PPP6R3: variants seen among roughly 807,000 people sequenced by gnomAD.
PPP6R3 encodes the protein serine/threonine-protein phosphatase 6 regulatory subunit 3.
A neutral mutation model predicts 110.7 loss-of-function variants in PPP6R3; 38 were observed. That is an observed-to-expected ratio of 0.34 (90% CI 0.26 to 0.45). The LOEUF (loss-of-function observed/expected upper bound fraction) is 0.45, where lower values mean the gene tolerates loss of function less well. Ranked by LOEUF, PPP6R3 falls within the 20% of genes least tolerant of loss-of-function variation. The probability of loss-of-function intolerance (pLI) is 1.00; values close to 1 mark genes in which losing one functional copy is unlikely to be tolerated. For missense variants in PPP6R3, 870 were observed against 1,062.4 expected, an observed-to-expected ratio of 0.82 and a Z score of 2.52; for synonymous variants, 369 against 373.5, an observed-to-expected ratio of 0.99 and a Z score of 0.14.
Position 68,614,183 on chromosome 11 carries a change from T to G in PPP6R3, c.*1066T>G. The G allele has an allele frequency of 1.0e-6, 1 of 988,248 alleles. No homozygotes were observed. Among genetic ancestry groups the G allele is most frequent in the Non-Finnish European group, 1.2e-6 (1 of 831,698 alleles). 61.2% of individuals were successfully genotyped at this position (988,248 alleles called of 1,614,324 possible). ...ACCGAAGCATGCTAATTGTTTACTGTACCTTGTGAGGTTTTCACTCATAAA... is the reference window on the plus strand; with the variant it reads ...ACCGAAGCATGCTAATTGTTTACTGGACCTTGTGAGGTTTTCACTCATAAA... On this transcript the variant is annotated 3_prime_UTR_variant, in exon 24 of 24. Transcript: ENST00000393800.
chr11:68,471,932 A>T (rs1245363356), intron 1 of PPP6R3, among the ~76,000 whole-genome samples: 1 of 150,762 alleles, frequency 6.6e-6, no homozygotes, highest in African/African-American at 2.4e-5. Context: ...TTTCTTGGTG[A>T]AATGGAAGAG....
At chr11:68,563,040 G>T (rs1164495738) in intron 8 of PPP6R3, among the ~76,000 whole-genome samples, 1 of 151,674 alleles carries the variant, frequency 6.6e-6, no homozygotes, top group Admixed American at 6.6e-5. Context: ...GGATATGGTG[G>T]CTCATGCCTA....
At chr11:68,560,965 C>T (rs1031534259) in intron 8 of PPP6R3, among the ~76,000 whole-genome samples, 45 of 143,248 alleles carry the variant, frequency 3.1e-4, no homozygotes, top group African/African-American at 1.0e-3. Flanking sequence ...GGTGCGATCT[C>T]GGCTCACTGC....
chr11:68,558,704 A>C, intron 8 of PPP6R3, 25 bp downstream of exon 8: 2 of 1,512,314 alleles, frequency 1.3e-6, no homozygotes, highest in Non-Finnish European at 9.2e-7. Flanking sequence ...TATCTTACAA[A>C]ATGAACCATG....
rs1321107123 is a variant in PPP6R3 at position 68,578,081 on chromosome 11, G to A, written c.1545+2038G>A. Reference sequence around the variant, plus strand: ...TTTAGTCTTAAGTCCTTCTGATAGGGAGTTTTGCTTTGTAGTATTGTGAGG... The same window carrying A: ...TTTAGTCTTAAGTCCTTCTGATAGGAAGTTTTGCTTTGTAGTATTGTGAGG... On this transcript the variant is annotated intron_variant, in intron 14 of 23. Transcript: ENST00000393800. 1.3e-5 allele frequency among the ~76,000 whole-genome samples: 2 copies of A among 152,108 alleles called. 1 individual carries two copies. The highest frequency in any genetic ancestry group is 3.9e-4 in the East Asian group (2 of 5,194).
chr11:68,466,320 C>G (rs889823638), intron 1 of PPP6R3, among the ~76,000 whole-genome samples: 1 of 151,822 alleles, frequency 6.6e-6, no homozygotes, highest in Non-Finnish European at 1.5e-5. Flanking sequence ...TGAAAGATTA[C>G]AGACTGACAT....
chr11:68,567,521 G>A (rs1387612406), intron 10 of PPP6R3, among the ~76,000 whole-genome samples: 1 of 152,166 alleles, frequency 6.6e-6, no homozygotes, highest in South Asian at 2.1e-4. Context: ...TTGCCACTGG[G>A]AGGTATCTGT....
At chr11:68,514,284 G>C (rs1345181174) in intron 1 of PPP6R3, among the ~76,000 whole-genome samples, 1 of 151,970 alleles carries the variant, frequency 6.6e-6, no homozygotes, top group East Asian at 1.9e-4. Flanking sequence ...TTGCCCAGCT[G>C]GTCTTGAACT....
At chr11:68,591,793 C>A in intron 18 of PPP6R3, 87 bp downstream of exon 18, 1 of 1,417,066 alleles carries the variant, frequency 7.1e-7, no homozygotes. Flanking sequence ...CATCACCAAA[C>A]ATACATGTTA....
chr11:68,559,904 CCACCCCAGCGGTACGGTGCCCTCTTCT>C (rs879876199), intron 8 of PPP6R3, among the ~76,000 whole-genome samples: 2,326 of 138,756 alleles, frequency 0.017, 78 homozygotes, highest in Middle Eastern at 0.027. Context: ...TGCCCTCTTC[CCACCCCAGCGGTACGGTGCCCTCTTCT>C]CACCCCAGCG....
intron 23 of PPP6R3, chr11:68,612,787 G>C (rs7946751): frequency 0.014 from 6,657 of 460,492 alleles, 340 homozygotes; most frequent in African/African-American, 0.12. Context: ...CACTCCCTGT[G>C]CTTCTTGGAG....
intron 12 of PPP6R3, among the ~76,000 whole-genome samples, chr11:68,571,696 C>G (rs549860429): frequency 6.6e-6 from 1 of 152,284 alleles, no homozygotes; most frequent in Non-Finnish European, 1.5e-5. Context: ...CTTTATGTCA[C>G]CCCGTAGATT....
At chr11:68,598,213 A>T (rs898963117) in intron 19 of PPP6R3, among the ~76,000 whole-genome samples, 3 of 152,160 alleles carry the variant, frequency 2.0e-5, no homozygotes, top group Non-Finnish European at 4.4e-5. Flanking sequence ...TGTTTCCCTT[A>T]GCATAATGTC....
intron 3 of PPP6R3, among the ~76,000 whole-genome samples, chr11:68,543,799 G>T (rs2099331339): frequency 6.6e-6 from 1 of 152,176 alleles, no homozygotes; most frequent in African/African-American, 2.4e-5. Flanking sequence ...GTCTGGATAG[G>T]CTCAACGTCT....
rs376383199 is a variant in PPP6R3 at position 68,480,646 on chromosome 11, ATTTTT to A, written c.-158+19820_-158+19824del. 4.3e-3 allele frequency among the ~76,000 whole-genome samples: 653 copies of A among 152,176 alleles called. 1 individual carries two copies. The highest frequency in any genetic ancestry group is 0.015 in the African/African-American group (603 of 41,526). ...GTCCAGCAAATGTTTGTTTTGTTTT[ATTTTT>A]AGGTTGCTGGTATTATCTGCTATTT... is the stretch of plus-strand genomic sequence containing the variant. On this transcript the variant is annotated intron_variant, in intron 1 of 23. Transcript: ENST00000393800.
chr11:68,595,603 A>G (rs898063670), intron 18 of PPP6R3, among the ~76,000 whole-genome samples: 1 of 152,198 alleles, frequency 6.6e-6, no homozygotes, highest in African/African-American at 2.4e-5. Context: ...TGAAACGACA[A>G]ACCATGCACT....
At chr11:68,500,637 C>T (rs1160910470) in intron 1 of PPP6R3, among the ~76,000 whole-genome samples, 1 of 152,100 alleles carries the variant, frequency 6.6e-6, no homozygotes, top group Non-Finnish European at 1.5e-5. Flanking sequence ...GCCACCACGC[C>T]CGGCTAATTT....
In PPP6R3 at chr11:68,528,437, G is replaced by T. The variant is rs965146266; in HGVS notation, c.-7+8786G>T. On this transcript the variant is annotated intron_variant, in intron 2 of 23. Coordinates refer to ENST00000393800, the MANE Select transcript of PPP6R3 (RefSeq NM_001164161.2). ...ATTTGATTTAATTTGTGTGTGTGGG[G>T]GGGGGGGCTGCACCTTTATGAAATT... Among the ~76,000 whole-genome samples the T allele has an allele frequency of 3.8e-3, 539 of 140,214 alleles. 2 individuals carry two copies. The highest frequency in any genetic ancestry group is 0.011 in the African/African-American group (400 of 36,916). The allele number at this position is 140,214 out of a possible 152,430, so 92.0% of individuals were successfully genotyped here.
intron 7 of PPP6R3, among the ~76,000 whole-genome samples, chr11:68,556,866 G>A (rs138284554): frequency 1.4e-3 from 220 of 152,314 alleles, no homozygotes; most frequent in African/African-American, 5.1e-3. Context: ...TATTTTGACT[G>A]TCAAGTTTTC....
Sources: allele counts gnomAD v4.1 joint callset (sites outside exome capture counted in the v4.1 genomes callset), GRCh38; gene constraint gnomAD v4.1.1; transcripts MANE v1.5; gene names NCBI Gene and HGNC (gene_info 2026-07-23, HGNC 2026-07-21).